The following AP1G1 variants were observed in gnomAD, a reference collection of about 807,000 sequenced individuals.
The protein encoded by AP1G1 is adaptor related protein complex 1 subunit gamma 1, also known as AP-1 complex subunit gamma-1.
A neutral mutation model predicts 108.3 loss-of-function variants in AP1G1; 7 were observed. That is an observed-to-expected ratio of 0.06 (90% CI 0.04 to 0.12). The LOEUF is 0.12. AP1G1 is among the 10% of genes least tolerant of loss of function. The pLI is 1.00. For missense variants in AP1G1, 756 were observed against 1,010.7 expected (o/e 0.75, Z 3.42); for synonymous variants, 379 against 353.5 (o/e 1.07, Z -0.81).
At chr16:71,762,805 A>C (rs1441630981) in intron 9 of AP1G1, among the ~76,000 whole-genome samples, 1 of 152,072 alleles carries the variant, frequency 6.6e-6, no homozygotes, top group East Asian at 1.9e-4. Flanking sequence ...CCACTCTAGC[A>C]AACTAACCAA....
In AP1G1 at chr16:71,749,993, G is replaced by A; in HGVS notation, c.1408-10C>T. 6.2e-7 allele frequency: 1 copy of A among 1,605,856 alleles called. No homozygotes were observed. The highest frequency in any genetic ancestry group is 8.5e-7 in the Non-Finnish European group (1 of 1,172,822). The stretch of plus-strand genomic sequence containing the variant: ...CTTGTACCAAAGGTTGCTGTGAAAA[G>A]AAAAGTCAACGTTTCTCAAGAACTT... On this transcript the variant is annotated splice_polypyrimidine_tract_variant and intron_variant, in intron 14 of 22. Transcript: ENST00000299980.
chr16:71,750,984 GTC>G (rs1015732472), intron 13 of AP1G1, among the ~76,000 whole-genome samples: 5 of 151,108 alleles, frequency 3.3e-5, no homozygotes, highest in African/African-American at 4.9e-5. Context: ...ATGAAACCCC[GTC>G]TCTACTAAAA....
intron 21 of AP1G1, among the ~76,000 whole-genome samples, chr16:71,737,872 A>C (rs2045569390): frequency 6.6e-6 from 1 of 152,274 alleles, no homozygotes; most frequent in Non-Finnish European, 1.5e-5. Flanking sequence ...TGCAAATAAC[A>C]TTTTATTGGA....
chr16:71,751,448 T>G lies in AP1G1; in HGVS notation c.1285-1116A>C, dbSNP rs2030497961. 3 of 148,018 alleles carry G rather than the reference T, an allele frequency of 2.0e-5. No homozygotes were observed. In the South Asian group the frequency reaches 6.4e-4, roughly 31 times the overall value. The allele number at this position is 148,018 out of a possible 1,614,324, so 9.2% of individuals were successfully genotyped here. A position where few individuals can be genotyped will look rare whatever the true frequency, so the allele number is the denominator to read the frequency against. On this transcript the variant is annotated intron_variant, in intron 13 of 22. Coordinates refer to ENST00000299980, the MANE Select transcript of AP1G1 (RefSeq NM_001128.6). ...AAGACTGAGACCAGTCCTAACCATG[T>G]GTATTTTGGAAAGGAAAAAAAAGAA... is the stretch of plus-strand genomic sequence containing the variant.
At position 71,750,140 on chromosome 16, in the gene AP1G1, AAAG is replaced by A. The variant is rs2030408514; in HGVS notation, c.1407+67_1407+69del. On this transcript the variant is annotated intron_variant, in intron 14 of 22. Transcript: ENST00000299980. ...AAGGGGAGAGAGGAGGGGGGAAAAA[AAAG>A]AAGAAAAACATACCAGAAAAATTGA... is the stretch of plus-strand genomic sequence containing the variant. 5 of 1,582,970 alleles carry A rather than the reference AAAG, an allele frequency of 3.2e-6. No homozygotes were observed. In the South Asian group the frequency reaches 5.6e-5, roughly 18 times the overall value.
At chr16:71,793,219 C>T (rs1479244332) in intron 1 of AP1G1, among the ~76,000 whole-genome samples, 2 of 152,094 alleles carry the variant, frequency 1.3e-5, no homozygotes, top group African/African-American at 2.4e-5. Flanking sequence ...AAACTCCAAC[C>T]TTTTTTTAAA....
intron 1 of AP1G1, chr16:71,808,393 G>A (rs1283043854): frequency 3.0e-6 from 3 of 985,292 alleles, no homozygotes; most frequent in Non-Finnish European, 4.0e-6. Context: ...GCTGATACGT[G>A]GCTCAGAGAA....
intron 6 of AP1G1, chr16:71,766,482 T>C (rs758213024): frequency 6.5e-6 from 3 of 460,026 alleles, no homozygotes; most frequent in East Asian, 1.4e-4. Flanking sequence ...AACAAAAGGT[T>C]TGCCACAATA....
At chr16:71,757,893 C>T (rs1181104752) in intron 11 of AP1G1, among the ~76,000 whole-genome samples, 1 of 152,168 alleles carries the variant, frequency 6.6e-6, no homozygotes, top group East Asian at 1.9e-4. Flanking sequence ...GTCATTTGAT[C>T]CCCATGGGAC....
intron 2 of AP1G1, among the ~76,000 whole-genome samples, chr16:71,784,523 C>T (rs1036887291): frequency 6.6e-6 from 1 of 152,132 alleles, no homozygotes; most frequent in Non-Finnish European, 1.5e-5. Flanking sequence ...TATGCCATCT[C>T]AAATCCTTTG....
At chr16:71,808,231 T>C (rs928692424) in intron 1 of AP1G1, 1 of 1,073,088 alleles carries the variant, frequency 9.3e-7, no homozygotes, top group Non-Finnish European at 1.1e-6. Flanking sequence ...CACGAAAAAT[T>C]GGGAAAGAAG....
Position 71,748,383 on chromosome 16 carries a change from G to T in AP1G1, c.1498-5C>A, listed in dbSNP as rs746031891. On this transcript the variant is annotated splice_region_variant and splice_polypyrimidine_tract_variant and intron_variant, in intron 15 of 22. Transcript: ENST00000299980. ...CAACACTTCATCCTCTGTTACCTGA[G>T]GAGGAGGAGGAAAAAGAAGACGATG... 8.8e-6 allele frequency: 14 copies of T among 1,599,862 alleles called. No individual in the cohort carries two copies. In the East Asian group the frequency reaches 3.1e-4, roughly 36 times the overall value.
At position 71,730,520 on chromosome 16, in the gene AP1G1, G is replaced by C. The variant is rs150015997; in HGVS notation, c.*2538C>G. The C allele has an allele frequency of 2.0e-5, 3 of 152,662 alleles. No homozygotes were observed. The East Asian group carries it at 5.8e-4, about 29-fold the overall frequency. The allele number at this position is 152,662 out of a possible 1,614,324, so 9.5% of individuals were successfully genotyped here. The stretch of plus-strand genomic sequence containing the variant: ...CCTTGAGTGGTTATACTCGGGAAAG[G>C]AATTATTGAAATGTGCAAGTATTCA... On this transcript the variant is annotated 3_prime_UTR_variant, in exon 23 of 23. Coordinates refer to ENST00000299980, the MANE Select transcript of AP1G1 (RefSeq NM_001128.6).
At chr16:71,758,994 A>G in intron 10 of AP1G1, 73 bp from the exon 11 acceptor site, 1 of 814,604 alleles carries the variant, frequency 1.2e-6, no homozygotes, top group Non-Finnish European at 2.0e-6. Flanking sequence ...TTTAAATAAT[A>G]AAAAGAAAGA....
At chr16:71,764,869 A>G (rs771781108) in intron 7 of AP1G1, 143 bp from the exon 8 acceptor site, 28 of 606,458 alleles carry the variant, frequency 4.6e-5, no homozygotes, top group Non-Finnish European at 6.1e-5. Context: ...CAAAAATCAA[A>G]CAGAAGAATT....
chr16:71,774,701 G>A, intron 2 of AP1G1, 109 bp from the exon 3 acceptor site: 2 of 1,182,750 alleles, frequency 1.7e-6, no homozygotes, highest in Middle Eastern at 2.2e-4. Flanking sequence ...AAGTACAAAT[G>A]TGTTTCATCA....
At chr16:71,802,724 T>C (rs2032849629) in intron 1 of AP1G1, among the ~76,000 whole-genome samples, 1 of 151,468 alleles carries the variant, frequency 6.6e-6, no homozygotes, top group Non-Finnish European at 1.5e-5. Flanking sequence ...AGCAAGACTC[T>C]GTCTCAAAAA....
intron 6 of AP1G1, among the ~76,000 whole-genome samples, chr16:71,768,512 A>AAAAAAAAAAG (rs1214880401): frequency 2.5e-4 from 38 of 150,990 alleles, no homozygotes; most frequent in East Asian, 1.2e-3. Flanking sequence ...AAAAAAAAAA[A>AAAAAAAAAAG]AGAGAGAAGG....
At chr16:71,740,815 GGAT>G (rs1440113074) in intron 19 of AP1G1, among the ~76,000 whole-genome samples, 1 of 152,114 alleles carries the variant, frequency 6.6e-6, no homozygotes, top group Non-Finnish European at 1.5e-5. Context: ...AAAAGAAATG[GGAT>G]GAGAGGGAAA....
Sources: gnomAD v4.1 joint callset for allele counts (sites outside exome capture counted in the v4.1 genomes callset) on GRCh38, gnomAD v4.1.1 for gene constraint, MANE v1.5 for transcripts, NCBI Gene and HGNC (gene_info 2026-07-23, HGNC 2026-07-21) for gene names.